Variants in TTC6 observed in about 807,000 individuals in gnomAD.
TTC6 encodes tetratricopeptide repeat domain 6.
A neutral mutation model predicts 210.4 loss-of-function variants in TTC6; 172 were observed. The observed-to-expected ratio is 0.82, with a 90% CI of 0.72 to 0.93. TTC6 has a LOEUF of 0.93. Among genes scored for constraint, TTC6 ranks in the 40% least tolerant of loss-of-function variants. The pLI, the probability that TTC6 is intolerant of heterozygous loss-of-function variation, is 0.00. For synonymous variants in TTC6, 804 were observed against 819.6 expected (o/e 0.98, Z 0.32); for missense variants, 2,414 against 2,318.1 (o/e 1.04, Z -0.85).
chr14:37,641,710 T>G (rs2095692148), intron 1 of TTC6, among the ~76,000 whole-genome samples: 1 of 152,238 alleles, frequency 6.6e-6, no homozygotes. Flanking sequence ...ATACATTTTC[T>G]TTGATATATT....
At chr14:37,678,031 T>C (rs1490814315) in intron 1 of TTC6, among the ~76,000 whole-genome samples, 1 of 152,172 alleles carries the variant, frequency 6.6e-6, no homozygotes, top group East Asian at 1.9e-4. Context: ...TTCTTCCTGG[T>C]TATGTATCAT....
chr14:37,599,716 A>G (rs2095611717), intron 1 of TTC6, among the ~76,000 whole-genome samples: 1 of 152,136 alleles, frequency 6.6e-6, no homozygotes, highest in Non-Finnish European at 1.5e-5. Context: ...ATGTATTCAA[A>G]TGAGAAAGAC....
intron 1 of TTC6, among the ~76,000 whole-genome samples, chr14:37,599,990 C>T (rs921339211): frequency 6.6e-6 from 1 of 152,322 alleles, no homozygotes; most frequent in South Asian, 2.1e-4. Context: ...CGATCCCCCT[C>T]CTGGGGAGCG....
exon 11 of TTC6, chr14:37,749,105 C>T: frequency 6.5e-7 from 1 of 1,535,640 alleles, no homozygotes. Context: ...GACATGGGCT[C>T]TTGATAGGCT....
chr14:37,784,214 A>T (rs547973536), intron 14 of TTC6, among the ~76,000 whole-genome samples: 4 of 152,264 alleles, frequency 2.6e-5, no homozygotes, highest in Middle Eastern at 3.4e-3. Flanking sequence ...TAATGTTGAC[A>T]GTGGGGTGTT....
chr14:37,607,980 A>G (rs969469357), intron 2 of TTC6, among the ~76,000 whole-genome samples: 4 of 152,232 alleles, frequency 2.6e-5, no homozygotes, highest in African/African-American at 9.6e-5. Context: ...TGAAAATTGC[A>G]TAACATTGTT....
intron 1 of TTC6, among the ~76,000 whole-genome samples, chr14:37,667,395 G>T (rs981657181): frequency 1.3e-5 from 2 of 150,612 alleles, no homozygotes; most frequent in African/African-American, 4.8e-5. Context: ...AGATCAGAGA[G>T]ATGGAATCGC....
intron 1 of TTC6, among the ~76,000 whole-genome samples, chr14:37,642,743 G>T (rs2095694348): frequency 6.6e-6 from 1 of 152,068 alleles, no homozygotes; most frequent in African/African-American, 2.4e-5. Flanking sequence ...CACAAACCTA[G>T]GCTAGATGGT....
At chr14:37,612,941 A>T (rs1308232827) in intron 2 of TTC6, among the ~76,000 whole-genome samples, 1 of 152,106 alleles carries the variant, frequency 6.6e-6, no homozygotes, top group Non-Finnish European at 1.5e-5. Context: ...GGACGCTTTA[A>T]CCTTTTCCTT....
chr14:37,810,339 T>A (rs2096127218), intron 24 of TTC6, among the ~76,000 whole-genome samples: 1 of 152,184 alleles, frequency 6.6e-6, no homozygotes. Context: ...CCCATTGTAT[T>A]GTTATCTCAG....
At chr14:37,811,491 G>C (rs1451784052) in intron 24 of TTC6, among the ~76,000 whole-genome samples, 1 of 152,110 alleles carries the variant, frequency 6.6e-6, no homozygotes, top group Non-Finnish European at 1.5e-5. Context: ...GATGCTACAG[G>C]CATAATAAGA....
intron 24 of TTC6, among the ~76,000 whole-genome samples, chr14:37,811,655 T>TA (rs541475743): frequency 3.3e-5 from 5 of 152,052 alleles, no homozygotes; most frequent in African/African-American, 9.6e-5. Flanking sequence ...TCAGTGAATG[T>TA]AAAAAAAACC....
intron 14 of TTC6, among the ~76,000 whole-genome samples, chr14:37,771,342 C>T (rs989449317): frequency 2.6e-4 from 39 of 151,622 alleles, no homozygotes; most frequent in Non-Finnish European, 4.9e-4. Flanking sequence ...TGAATCTGAA[C>T]GTTGGCCTAC....
chr14:37,696,660 A>C lies in TTC6; in HGVS notation c.1258-57A>C. ...AGGTGACTCGCTAAATATGAGAGAA[A>C]GATCTAACTCTCATGTTACATCTTC... On this transcript the variant is annotated intron_variant, in intron 3 of 30. Transcript: ENST00000553443. The C allele has an allele frequency of 3.7e-6, 3 of 808,806 alleles. No homozygotes were observed. The South Asian group carries it at 8.0e-5, about 22-fold the overall frequency. The allele number at this position is 808,806 out of a possible 1,614,324, so 50.1% of individuals were successfully genotyped here.
exon 17 of TTC6, chr14:37,792,345 T>A (rs1472496868): frequency 1.3e-6 from 2 of 1,533,372 alleles, no homozygotes; most frequent in Non-Finnish European, 1.7e-6. Context: ...TTTGGCAATT[T>A]TCTGAGGCTA....
intron 7 of TTC6, among the ~76,000 whole-genome samples, chr14:37,732,132 A>G (rs969430417): frequency 2.7e-5 from 4 of 150,816 alleles, no homozygotes; most frequent in Admixed American, 1.3e-4. Flanking sequence ...TAAACAGTCA[A>G]TTAACACATA....
At chr14:37,631,151 T>C (rs1252803327) in intron 1 of TTC6, among the ~76,000 whole-genome samples, 1 of 151,882 alleles carries the variant, frequency 6.6e-6, no homozygotes, top group Non-Finnish European at 1.5e-5. Flanking sequence ...GATCCTGTCA[T>C]TGTGATGCTA....
At chr14:37,688,519 G>A (rs549837517) in intron 3 of TTC6, among the ~76,000 whole-genome samples, 1 of 152,094 alleles carries the variant, frequency 6.6e-6, no homozygotes, top group Non-Finnish European at 1.5e-5. Context: ...ATCTGACCCA[G>A]TGCAGTCCTA....
chr14:37,732,162 T>C (rs1189867520), intron 7 of TTC6, among the ~76,000 whole-genome samples: 1 of 148,146 alleles, frequency 6.8e-6, no homozygotes. Flanking sequence ...ATGTGTATTA[T>C]GTACTGTATT....
Sources: gnomAD v4.1 joint callset for allele counts (sites outside exome capture counted in the v4.1 genomes callset) on GRCh38, gnomAD v4.1.1 for gene constraint, MANE v1.5 for transcripts, NCBI Gene and HGNC (gene_info 2026-07-23, HGNC 2026-07-21) for gene names.